The following PPME1 variants were observed in gnomAD, a reference collection of about 807,000 sequenced individuals.
PPME1 encodes the protein testicular secretory protein Li 39.
In PPME1, 17 loss-of-function variants were observed where a neutral mutation model predicts 56.9. The observed-to-expected ratio is 0.30, with a 90% CI of 0.20 to 0.45. The LOEUF is 0.45. Among genes scored for constraint, PPME1 ranks in the 20% least tolerant of loss-of-function variants. The pLI, the probability that PPME1 is intolerant of heterozygous loss-of-function variation, is 1.00. For synonymous variants in PPME1, 122 were observed against 156.2 expected, an observed-to-expected ratio of 0.78 and a Z score of 1.63; for missense variants, 357 against 483.2, an observed-to-expected ratio of 0.74 and a Z score of 2.45.
chr11:74,189,515 C>T (rs1203554882), intron 1 of PPME1, among the ~76,000 whole-genome samples: 1 of 152,156 alleles, frequency 6.6e-6, no homozygotes, highest in Non-Finnish European at 1.5e-5. Context: ...TTTCAAACCC[C>T]TAGGCTTAAG....
At chr11:74,226,687 G>A (rs1858939984) in intron 5 of PPME1, among the ~76,000 whole-genome samples, 1 of 152,136 alleles carries the variant, frequency 6.6e-6, no homozygotes, top group Non-Finnish European at 1.5e-5. Context: ...CATTCTAGAG[G>A]AAATTGAAGA....
chr11:74,217,540 TCAAA>T (rs1858683218), intron 3 of PPME1, among the ~76,000 whole-genome samples: 1 of 44,008 alleles, frequency 2.3e-5, no homozygotes, highest in African/African-American at 8.9e-5. Context: ...AGACTCCGTC[TCAAA>T]AAAAAAAAAA....
intron 1 of PPME1, chr11:74,198,883 A>C (rs1858066842): frequency 1.3e-5 from 2 of 152,216 alleles, no homozygotes; most frequent in Non-Finnish European, 2.9e-5. Flanking sequence ...GATATCATCC[A>C]TGACTGTTGG....
In PPME1 at chr11:74,229,930, G is replaced by T. The variant is rs190617280; in HGVS notation, c.399-315G>T. On this transcript the variant is annotated intron_variant, in intron 5 of 13. Coordinates refer to ENST00000328257, the MANE Select transcript of PPME1 (RefSeq NM_016147.3). ...ATGATTTTTCCAGTTTCAATCTTAG[G>T]TTCAAAATAAAGGTATATGTTTATG... Among the ~76,000 whole-genome samples, 23 of 152,292 alleles carry T rather than the reference G, an allele frequency of 1.5e-4. 1 individual carries two copies. The highest frequency in any genetic ancestry group is 6.8e-3 in the Middle Eastern group (2 of 294).
rs917296655 is a variant in PPME1 at position 74,217,048 on chromosome 11, A to G, written c.289-5264A>G. 6.6e-5 allele frequency among the ~76,000 whole-genome samples: 10 copies of G among 152,340 alleles called. 1 individual carries two copies. Among genetic ancestry groups the G allele is most frequent in the African/African-American group, 2.4e-4 (10 of 41,578 alleles). ...GAATTTTACCAAACATTTAAAAAAG[A>G]AATAACACCAGTCCTACTCAAACTA... On this transcript the variant is annotated intron_variant, in intron 3 of 13. Transcript: ENST00000328257.
intron 3 of PPME1, chr11:74,205,378 A>G (rs547534076): frequency 6.6e-6 from 1 of 152,330 alleles, no homozygotes; most frequent in South Asian, 2.1e-4. Context: ...AGATACTGCT[A>G]AGGAAGATAC....
intron 1 of PPME1, among the ~76,000 whole-genome samples, chr11:74,189,923 A>T (rs1857789781): frequency 6.6e-6 from 1 of 152,188 alleles, no homozygotes; most frequent in Middle Eastern, 3.2e-3. Flanking sequence ...GGGCTTCATG[A>T]ATCTGTAGTT....
At chr11:74,182,054 C>T (rs960093303) in intron 1 of PPME1, among the ~76,000 whole-genome samples, 13 of 152,184 alleles carry the variant, frequency 8.5e-5, no homozygotes, top group African/African-American at 2.9e-4. Context: ...CTGGATTTCC[C>T]GTAGGCTGTA....
chr11:74,213,745 G>A (rs1208132907), intron 3 of PPME1, among the ~76,000 whole-genome samples: 2 of 152,266 alleles, frequency 1.3e-5, no homozygotes, highest in African/African-American at 4.8e-5. Context: ...TAGTACCTCT[G>A]TGAGTCTGCA....
chr11:74,188,024 G>A (rs1335793799), intron 1 of PPME1, among the ~76,000 whole-genome samples: 2 of 152,162 alleles, frequency 1.3e-5, no homozygotes, highest in Admixed American at 1.3e-4. Flanking sequence ...GGAAGAACCT[G>A]TAAGCCAAGA....
chr11:74,239,770 C>T (rs112924584), intron 9 of PPME1, among the ~76,000 whole-genome samples: 15,120 of 151,136 alleles, frequency 0.1, 2,095 homozygotes, highest in African/African-American at 0.32. Flanking sequence ...TTAGTAGAGA[C>T]GGGGTTTCAC....
intron 1 of PPME1, among the ~76,000 whole-genome samples, chr11:74,176,671 T>G (rs2950411): frequency 0.017 from 2,542 of 151,708 alleles, 80 homozygotes; most frequent in African/African-American, 0.058. Context: ...TTCCTTTTTT[T>G]GGGTTATAAA....
chr11:74,252,193 G>C (rs546585184), intron 13 of PPME1, among the ~76,000 whole-genome samples: 1 of 145,660 alleles, frequency 6.9e-6, no homozygotes, highest in Non-Finnish European at 1.5e-5. Context: ...TCAGTCTCCC[G>C]AGTAGCTGGG....
intron 1 of PPME1, among the ~76,000 whole-genome samples, chr11:74,193,008 CACA>C (rs1368645365): frequency 6.6e-6 from 1 of 152,180 alleles, no homozygotes; most frequent in East Asian, 1.9e-4. Flanking sequence ...TTTAATCAAA[CACA>C]ACATTGTAGG....
At chr11:74,181,294 C>A (rs922057609) in intron 1 of PPME1, among the ~76,000 whole-genome samples, 1 of 150,904 alleles carries the variant, frequency 6.6e-6, no homozygotes, top group Middle Eastern at 3.2e-3. Context: ...ATGATCCACC[C>A]GCCTCGGCCT....
chr11:74,216,699 G>A (rs1426210349), intron 3 of PPME1, among the ~76,000 whole-genome samples: 1 of 151,996 alleles, frequency 6.6e-6, no homozygotes, highest in Admixed American at 6.6e-5. Context: ...AAAATAAAAA[G>A]TTGGTTTTTG....
At chr11:74,214,972 T>G (rs1858589968) in intron 3 of PPME1, among the ~76,000 whole-genome samples, 1 of 152,140 alleles carries the variant, frequency 6.6e-6, no homozygotes, top group African/African-American at 2.4e-5. Flanking sequence ...GTAGAAAGAC[T>G]AAAAGAGGAA....
intron 1 of PPME1, among the ~76,000 whole-genome samples, chr11:74,189,168 T>C (rs1466165707): frequency 6.6e-6 from 1 of 152,180 alleles, no homozygotes; most frequent in African/African-American, 2.4e-5. Flanking sequence ...AGCAGGCAGA[T>C]CACTTGAGCT....
intron 1 of PPME1, among the ~76,000 whole-genome samples, chr11:74,201,098 C>A (rs1343496197): frequency 6.6e-6 from 1 of 152,016 alleles, no homozygotes; most frequent in Non-Finnish European, 1.5e-5. Flanking sequence ...GCCTCAGCCT[C>A]CTGAGTAGCT....
Sources: gnomAD v4.1 joint callset for allele counts (sites outside exome capture counted in the v4.1 genomes callset) on GRCh38, gnomAD v4.1.1 for gene constraint, MANE v1.5 for transcripts, NCBI Gene and HGNC (gene_info 2026-07-23, HGNC 2026-07-21) for gene names.